The following CCDC91 variants were observed in gnomAD, a reference collection of about 807,000 sequenced individuals.
CCDC91 encodes coiled-coil domain-containing protein 91.
In CCDC91, 48 loss-of-function variants were observed where a neutral mutation model predicts 63.2. The ratio of observed to expected loss-of-function variants is 0.76; its 90% CI spans 0.60 to 0.97. The LOEUF is 0.97. Among genes scored for constraint, CCDC91 ranks in the 50% least tolerant of loss-of-function variants. The pLI, the probability that CCDC91 is intolerant of heterozygous loss-of-function variation, is 0.00. For missense variants in CCDC91, 500 were observed against 494.6 expected, an observed-to-expected ratio of 1.01 and a Z score of -0.10; for synonymous variants, 167 against 165.8, an observed-to-expected ratio of 1.01 and a Z score of -0.06.
chr12:28,537,061 TA>T (rs1338434352), intron 12 of CCDC91, among the ~76,000 whole-genome samples: 11 of 152,306 alleles, frequency 7.2e-5, no homozygotes, highest in Non-Finnish European at 1.3e-4. Flanking sequence ...AGGAACCTTA[TA>T]TTTTTTTCAG....
At chr12:28,417,575 A>G (rs1209138527) in intron 8 of CCDC91, among the ~76,000 whole-genome samples, 1 of 151,626 alleles carries the variant, frequency 6.6e-6, no homozygotes, top group Non-Finnish European at 1.5e-5. Flanking sequence ...ATAAATGTAT[A>G]TATTAAAATT....
chr12:28,406,326 T>TACAA (rs1946943469), intron 8 of CCDC91, among the ~76,000 whole-genome samples: 1 of 152,086 alleles, frequency 6.6e-6, no homozygotes, highest in Non-Finnish European at 1.5e-5. Flanking sequence ...GTTATTAGTG[T>TACAA]ACAAGTCTTT....
At position 28,526,894 on chromosome 12, in the gene CCDC91, A is replaced by G. The variant is rs184436093; in HGVS notation, c.1216-22169A>G. ...TTCTTTCTTCTGCTTGTTCAATTCTATTGCTGAGATTTTCCAGAGCATTTT... is the reference window on the plus strand; with the variant it reads ...TTCTTTCTTCTGCTTGTTCAATTCTGTTGCTGAGATTTTCCAGAGCATTTT... On this transcript the variant is annotated intron_variant, in intron 12 of 12. Transcript: ENST00000536442. 7.2e-5 allele frequency among the ~76,000 whole-genome samples: 11 copies of G among 151,760 alleles called. No individual in the cohort carries two copies. In the East Asian group the frequency reaches 2.1e-3, roughly 30 times the overall value.
chr12:28,333,617 ATC>A (rs760426394), intron 6 of CCDC91, among the ~76,000 whole-genome samples: 12 of 152,060 alleles, frequency 7.9e-5, no homozygotes, highest in Non-Finnish European at 1.8e-4. Context: ...TTTCACTTTT[ATC>A]TCTATCTTGG....
chr12:28,310,244 C>A (rs979215964), intron 6 of CCDC91, among the ~76,000 whole-genome samples: 3 of 152,050 alleles, frequency 2.0e-5, no homozygotes, highest in African/African-American at 7.2e-5. Flanking sequence ...GTGAGACATA[C>A]ATCTTTGAGA....
At chr12:28,233,243 C>T (rs1944722540) in intron 1 of CCDC91, among the ~76,000 whole-genome samples, 1 of 152,076 alleles carries the variant, frequency 6.6e-6, no homozygotes, top group South Asian at 2.1e-4. Flanking sequence ...CTATCTTTCT[C>T]CATACCATTC....
chr12:28,339,053 C>G (rs1942223786), intron 6 of CCDC91, among the ~76,000 whole-genome samples: 1 of 152,070 alleles, frequency 6.6e-6, no homozygotes, highest in Admixed American at 6.6e-5. Context: ...GTTGGCCAGG[C>G]TGGTCTGGAA....
intron 1 of CCDC91, among the ~76,000 whole-genome samples, chr12:28,207,031 A>T (rs1346440441): frequency 2.6e-5 from 4 of 152,250 alleles, no homozygotes; most frequent in African/African-American, 9.6e-5. Flanking sequence ...TTTATCTCTC[A>T]AAGTGTAAGA....
At chr12:28,512,509 G>A (rs151254461) in intron 12 of CCDC91, among the ~76,000 whole-genome samples, 266 of 151,996 alleles carry the variant, frequency 1.8e-3, no homozygotes, top group African/African-American at 6.1e-3. Flanking sequence ...AAAACATGGC[G>A]AATGGGCCAA....
At chr12:28,432,365 T>G (rs1333153862) in intron 8 of CCDC91, among the ~76,000 whole-genome samples, 1 of 152,050 alleles carries the variant, frequency 6.6e-6, no homozygotes, top group Non-Finnish European at 1.5e-5. Context: ...AGTGTTTGGT[T>G]TATGAGGGCA....
At chr12:28,197,666 T>G (rs1019218582) in intron 1 of CCDC91, among the ~76,000 whole-genome samples, 2 of 152,100 alleles carry the variant, frequency 1.3e-5, no homozygotes, top group African/African-American at 4.8e-5. Context: ...TATTATGTTA[T>G]TTTAGGTATT....
intron 6 of CCDC91, among the ~76,000 whole-genome samples, chr12:28,354,222 T>C (rs1943373848): frequency 6.6e-6 from 1 of 152,148 alleles, no homozygotes; most frequent in Non-Finnish European, 1.5e-5. Context: ...AGGGGGAATA[T>C]TTCTTTACGT....
chr12:28,448,220 A>G (rs1949631163), intron 8 of CCDC91, among the ~76,000 whole-genome samples: 1 of 152,164 alleles, frequency 6.6e-6, no homozygotes, highest in Non-Finnish European at 1.5e-5. Flanking sequence ...TCTGAAAATA[A>G]GAAGAATGTG....
intron 6 of CCDC91, among the ~76,000 whole-genome samples, chr12:28,356,289 C>T (rs921679130): frequency 9.2e-5 from 14 of 152,110 alleles, no homozygotes; most frequent in Non-Finnish European, 1.3e-4. Flanking sequence ...TTGCAGCTGT[C>T]AAGTGATGTG....
In CCDC91 at chr12:28,484,067, G is replaced by A; in HGVS notation, c.1117G>A (p.Ala373Thr). Residue 373 changes from alanine to threonine, a missense_variant, in exon 12 of 13, where the codon GCA becomes ACA. Transcript: ENST00000536442. ...CCACAAACAGGAAACTGTTAAGGCA[G>A]CAATAATAGAAGAGCAGAAACGAAG... is the stretch of plus-strand genomic sequence containing the variant. The part of the protein sequence containing the change: ...RKISQETVKA[A>T]IIEEQKRSEK... The A allele has an allele frequency of 6.2e-7, 1 of 1,609,840 alleles. No homozygotes were observed. Among genetic ancestry groups the A allele is most frequent in the South Asian group, 1.1e-5 (1 of 90,410 alleles).
chr12:28,318,970 A>G (rs1179250819), intron 6 of CCDC91, among the ~76,000 whole-genome samples: 1 of 151,966 alleles, frequency 6.6e-6, no homozygotes, highest in African/African-American at 2.4e-5. Context: ...ATTTACTGAT[A>G]GGTTTTGAGG....
intron 7 of CCDC91, among the ~76,000 whole-genome samples, chr12:28,363,490 G>T (rs1292235188): frequency 6.6e-6 from 1 of 152,094 alleles, no homozygotes; most frequent in East Asian, 1.9e-4. Flanking sequence ...CCCTATTACA[G>T]TTAGAATATA....
intron 8 of CCDC91, among the ~76,000 whole-genome samples, chr12:28,421,511 C>T (rs189947320): frequency 6.6e-6 from 1 of 150,786 alleles, no homozygotes; most frequent in East Asian, 2.0e-4. Context: ...CCTCCGGCTC[C>T]ATCCATGCTG....
Position 28,512,521 on chromosome 12 carries a change from TCCA to T in CCDC91, c.1215+28357_1215+28359del, listed in dbSNP as rs899359185. 2.1e-3 allele frequency among the ~76,000 whole-genome samples: 322 copies of T among 152,030 alleles called. 4 individuals are homozygous for T. Among genetic ancestry groups the T allele is most frequent in the African/African-American group, 7.2e-3 (299 of 41,540 alleles). ...AGCAAAACATGGCGAATGGGCCAAA[TCCA>T]GTTTGCCCGGTGTTTTCTTAAATAA... On this transcript the variant is annotated intron_variant, in intron 12 of 12. Coordinates refer to ENST00000536442, the MANE Select transcript of CCDC91 (RefSeq NM_018318.5).
Sources: gnomAD v4.1 joint callset for allele counts (sites outside exome capture counted in the v4.1 genomes callset) on GRCh38, gnomAD v4.1.1 for gene constraint, MANE v1.5 for transcripts, NCBI Gene and HGNC (gene_info 2026-07-23, HGNC 2026-07-21) for gene names.